SVIL: variants seen among roughly 807,000 people sequenced by gnomAD.
SVIL encodes the protein supervillin, also known as archvillin.
Under a neutral mutation model 240.4 loss-of-function variants are expected in SVIL, and 101 were observed. The observed-to-expected ratio is 0.42, with a 90% CI of 0.36 to 0.50. The LOEUF (loss-of-function observed/expected upper bound fraction) is 0.50. Ranked by LOEUF, SVIL falls within the 20% of genes least tolerant of loss-of-function variation. The pLI is 0.01. For missense variants in SVIL, 2,512 were observed against 2,818.7 expected (o/e 0.89, Z 2.46); for synonymous variants, 999 against 1,100.0 (o/e 0.91, Z 1.82).
rs1164688551 is a variant in SVIL, at chr10:29,612,915, C to T, written c.-201+21505G>A. Among the ~76,000 whole-genome samples, 6 of 152,036 alleles carry T rather than the reference C, an allele frequency of 3.9e-5. No individual in the cohort carries two copies. In the East Asian group the frequency reaches 7.7e-4, roughly 20 times the overall value. On this transcript the variant is annotated intron_variant, in intron 1 of 37. Transcript: ENST00000355867. ...GGATGAGGCTGGGCGTGGTGGTTCA[C>T]GCTTGTAATCCCAGCGCTTTGGGAG...
rs1268809036 is a variant in SVIL, at chr10:29,530,644, G to T, written c.2069C>A (p.Ala690Asp). The part of the protein sequence containing the change: ...VDDEEKVDER[A>D]KLSVAAKRLL... ...CCTCTTGGCGGCGACGCTCAGCTTG[G>T]CTCGTTCATCCACCTTTTCTTCATC... Residue 690 changes from alanine (A) to aspartate (D), a missense_variant, in exon 11 of 38, where the codon GCC becomes GAC. Transcript: ENST00000355867. The T allele has an allele frequency of 6.2e-6, 10 of 1,613,980 alleles. No homozygotes were observed. In the Admixed American group the frequency reaches 1.5e-4, roughly 24 times the overall value.
chr10:29,663,621 G>A (rs1446475687), intron 2 of SVIL, among the ~76,000 whole-genome samples: 1 of 152,210 alleles, frequency 6.6e-6, no homozygotes, highest in Non-Finnish European at 1.5e-5. Flanking sequence ...CTCCCAAAGT[G>A]CTGGGATTAC....
chr10:29,474,926 C>T (rs16930255), intron 29 of SVIL, among the ~76,000 whole-genome samples: 1,618 of 152,364 alleles, frequency 0.011, 32 homozygotes, highest in African/African-American at 0.037. Flanking sequence ...GTCACCAGGG[C>T]TGCTGCCAGG....
chr10:29,549,508 C>T (rs561975804), intron 6 of SVIL, among the ~76,000 whole-genome samples: 1 of 136,536 alleles, frequency 7.3e-6, no homozygotes, highest in African/African-American at 2.8e-5. Flanking sequence ...TTGACCCAGC[C>T]ATCCCATTAC....
chr10:29,517,410 G>A (rs959968020), intron 16 of SVIL, among the ~76,000 whole-genome samples: 2 of 151,958 alleles, frequency 1.3e-5, no homozygotes, highest in Non-Finnish European at 2.9e-5. Flanking sequence ...CTGGACAACA[G>A]TGCCAAGACC....
At chr10:29,527,842 C>T (rs1951045182) in intron 12 of SVIL, among the ~76,000 whole-genome samples, 1 of 151,270 alleles carries the variant, frequency 6.6e-6, no homozygotes, top group South Asian at 2.1e-4. Flanking sequence ...TCTCCTGCCT[C>T]AGCCTCCCGA....
intron 1 of SVIL, among the ~76,000 whole-genome samples, chr10:29,581,710 G>A (rs1010275613): frequency 1.3e-4 from 20 of 152,104 alleles, no homozygotes; most frequent in Admixed American, 8.5e-4. Context: ...ATCTCCAATC[G>A]TTTTAGTTTC....
At chr10:29,620,712 G>A (rs926643170) in intron 1 of SVIL, among the ~76,000 whole-genome samples, 1 of 152,084 alleles carries the variant, frequency 6.6e-6, no homozygotes, top group African/African-American at 2.4e-5. Context: ...TCCACCTCCC[G>A]GGTTCAAATG....
At chr10:29,643,153 C>A (rs1375087848) in intron 3 of SVIL, among the ~76,000 whole-genome samples, 1 of 152,202 alleles carries the variant, frequency 6.6e-6, no homozygotes, top group Non-Finnish European at 1.5e-5. Context: ...TGTGTAGTGG[C>A]CTCACTGTCC....
At chr10:29,526,378 C>A (rs1186755784) in intron 13 of SVIL, among the ~76,000 whole-genome samples, 1 of 139,156 alleles carries the variant, frequency 7.2e-6, no homozygotes, top group African/African-American at 2.7e-5. Flanking sequence ...GATCTTGACT[C>A]ACTGCAACCT....
At chr10:29,500,617 G>T (rs1194345966) in intron 17 of SVIL, among the ~76,000 whole-genome samples, 1 of 152,154 alleles carries the variant, frequency 6.6e-6, no homozygotes, top group Admixed American at 6.5e-5. Flanking sequence ...TGCTGCTAGC[G>T]CATCTGCTTT....
chr10:29,575,441 C>T (rs1328327), intron 1 of SVIL: 109,101 of 204,134 alleles, frequency 0.53, 29,911 homozygotes, highest in African/African-American at 0.69. Flanking sequence ...TCTGTGGAGA[C>T]TTTATTTCAG....
chr10:29,713,916 C>A (rs1963452588), intron 1 of SVIL, among the ~76,000 whole-genome samples: 1 of 152,216 alleles, frequency 6.6e-6, no homozygotes, highest in South Asian at 2.1e-4. Context: ...TGCTTATGAG[C>A]TTTTGGAAGC....
intron 2 of SVIL, among the ~76,000 whole-genome samples, chr10:29,674,959 G>T (rs986089221): frequency 2.0e-5 from 3 of 152,156 alleles, no homozygotes; most frequent in African/African-American, 7.2e-5. Flanking sequence ...GATTACAAAA[G>T]TCCCACCTGG....
chr10:29,687,728 T>G (rs1961190528), intron 1 of SVIL, among the ~76,000 whole-genome samples: 1 of 152,216 alleles, frequency 6.6e-6, no homozygotes, highest in African/African-American at 2.4e-5. Flanking sequence ...ACCTGCCCCT[T>G]TTTCTACAAT....
Position 29,530,670 on chromosome 10 carries a change from T to C in SVIL, c.2045-2A>G. On this transcript the variant is annotated splice_acceptor_variant, in intron 10 of 37. Coordinates refer to ENST00000355867, the MANE Select transcript of SVIL (RefSeq NM_021738.3). LOFTEE classifies it high-confidence loss of function. Reference sequence around the variant, plus strand: ...CTCGTTCATCCACCTTTTCTTCATCTGCAAAAAGCCACAAATTAAAAACTG... The same window carrying C: ...CTCGTTCATCCACCTTTTCTTCATCCGCAAAAAGCCACAAATTAAAAACTG... The C allele has an allele frequency of 6.2e-7, 1 of 1,614,138 alleles. No homozygotes were observed. The highest frequency in any genetic ancestry group is 8.5e-7 in the Non-Finnish European group (1 of 1,180,000).
At chr10:29,659,098 G>A (rs1018701000) in intron 2 of SVIL, among the ~76,000 whole-genome samples, 11 of 152,210 alleles carry the variant, frequency 7.2e-5, no homozygotes, top group Admixed American at 2.0e-4. Flanking sequence ...ATTTCCCCTT[G>A]TGGTTTGCCT....
chr10:29,655,874 GTTTTT>G (rs3030622), intron 3 of SVIL, among the ~76,000 whole-genome samples: 14 of 136,252 alleles, frequency 1.0e-4, no homozygotes, highest in African/African-American at 3.3e-4. Flanking sequence ...GTATGTGTGG[GTTTTT>G]TTTTTTTTTT....
At chr10:29,535,007 GTTTAC>G (rs1951640236) in intron 7 of SVIL, among the ~76,000 whole-genome samples, 1 of 152,136 alleles carries the variant, frequency 6.6e-6, no homozygotes, top group Non-Finnish European at 1.5e-5. Flanking sequence ...AATTTAGACT[GTTTAC>G]TTAAGCTTAA....
Sources: gnomAD v4.1 joint callset for allele counts (sites outside exome capture counted in the v4.1 genomes callset) on GRCh38, gnomAD v4.1.1 for gene constraint, MANE v1.5 for transcripts, NCBI Gene and HGNC (gene_info 2026-07-23, HGNC 2026-07-21) for gene names.